FOXJ3: variants seen among roughly 807,000 people sequenced by gnomAD.
FOXJ3 encodes forkhead box protein J3.
In FOXJ3, 22 loss-of-function variants were observed where a neutral mutation model predicts 76.1. The observed-to-expected ratio is 0.29, with a 90% CI of 0.21 to 0.41. FOXJ3 has a LOEUF of 0.41. Ranked by LOEUF, FOXJ3 falls within the 10% of genes least tolerant of loss-of-function variation. The probability of loss-of-function intolerance (pLI) is 1.00; values close to 1 mark genes in which losing one functional copy is unlikely to be tolerated. For synonymous variants in FOXJ3, 269 were observed against 261.2 expected (o/e 1.03, Z -0.29); for missense variants, 613 against 762.1 (o/e 0.80, Z 2.30).
intron 5 of FOXJ3, among the ~76,000 whole-genome samples, chr1:42,209,236 A>T (rs1003775036): frequency 1.3e-5 from 2 of 152,258 alleles, no homozygotes. Flanking sequence ...TATAAAAATC[A>T]GTAGCATTTC....
At chr1:42,317,817 T>C (rs1377169143) in intron 1 of FOXJ3, among the ~76,000 whole-genome samples, 1 of 152,138 alleles carries the variant, frequency 6.6e-6, no homozygotes, top group Admixed American at 6.6e-5. Flanking sequence ...GATTAAGAAT[T>C]CAGGAAAGGT....
intron 3 of FOXJ3, among the ~76,000 whole-genome samples, chr1:42,274,773 A>G (rs1652132176): frequency 6.6e-6 from 1 of 152,150 alleles, no homozygotes; most frequent in Admixed American, 6.6e-5. Context: ...CTAAGTTTAT[A>G]ATACTGTTAT....
rs895044286 is a variant in FOXJ3 at position 42,310,433 on chromosome 1, C to G, written c.44+617G>C. 9.8e-4 allele frequency among the ~76,000 whole-genome samples: 148 copies of G among 151,010 alleles called. 1 individual carries two copies. Among genetic ancestry groups the G allele is most frequent in the African/African-American group, 3.5e-3 (146 of 41,188 alleles). The stretch of plus-strand genomic sequence containing the variant: ...TGCTAGGATTACAGGCATGAGCCAC[C>G]GCACCTGGGCTTTTTTCTTTTTTTT... On this transcript the variant is annotated intron_variant, in intron 2 of 12. Coordinates refer to ENST00000361346, the MANE Select transcript of FOXJ3 (RefSeq NM_014947.5).
intron 9 of FOXJ3, among the ~76,000 whole-genome samples, chr1:42,190,943 C>G (rs1256577599): frequency 6.6e-6 from 1 of 152,152 alleles, no homozygotes; most frequent in South Asian, 2.1e-4. Flanking sequence ...CTACCACTTA[C>G]CACAGTATGA....
intron 3 of FOXJ3, among the ~76,000 whole-genome samples, chr1:42,277,976 CAAAAAAAA>C (rs755384247): frequency 1.2e-4 from 6 of 51,588 alleles, no homozygotes; most frequent in East Asian, 6.4e-4. Flanking sequence ...GACTCCATCT[CAAAAAAAA>C]AAAAAAAAAA....
intron 5 of FOXJ3, among the ~76,000 whole-genome samples, chr1:42,216,487 C>A (rs1237969451): frequency 1.3e-5 from 2 of 150,212 alleles, no homozygotes; most frequent in African/African-American, 4.9e-5. Context: ...CACTGCACTC[C>A]AGCCTGGGCG....
chr1:42,248,534 CAAA>C (rs4019586), intron 4 of FOXJ3, among the ~76,000 whole-genome samples: 1 of 136,016 alleles, frequency 7.4e-6, no homozygotes, highest in African/African-American at 2.9e-5. Flanking sequence ...ACTGCGTCTC[CAAA>C]AAAAAAAAAA....
In FOXJ3 at chr1:42,199,124, C is replaced by G; in HGVS notation, c.737G>C (p.Gly246Ala). Residue 246 changes from glycine (G) to alanine (A), a missense_variant, in exon 7 of 13, where the codon GGA becomes GCA. Physicochemically the swap from Gly to Ala is moderately conservative, Grantham distance 60. Transcript: ENST00000361346. ...SLASVNLNSV[G>A]SVHSYTPVTS... is the part of the protein sequence containing the mutation. ...TACCGGTGTATAACTATGCACACTT[C>G]CAACACTGTTCAAATTAACAGATGC... is the stretch of plus-strand genomic sequence containing the variant. The G allele has an allele frequency of 6.2e-7, 1 of 1,613,722 alleles. No homozygotes were observed.
intron 1 of FOXJ3, among the ~76,000 whole-genome samples, chr1:42,315,913 G>C (rs1203935766): frequency 6.6e-6 from 1 of 152,158 alleles, no homozygotes. Context: ...GACACAACCA[G>C]AATGAGTACT....
intron 4 of FOXJ3, among the ~76,000 whole-genome samples, chr1:42,248,747 T>C (rs972536937): frequency 1.3e-5 from 2 of 148,304 alleles, no homozygotes; most frequent in African/African-American, 4.9e-5. Flanking sequence ...TTTTTTTTTT[T>C]TTTTTTTTTA....
chr1:42,209,733 A>G (rs898789157), intron 5 of FOXJ3, among the ~76,000 whole-genome samples: 2 of 152,262 alleles, frequency 1.3e-5, no homozygotes, highest in African/African-American at 2.4e-5. Flanking sequence ...CCCAGACTCC[A>G]GCAGGCCCGG....
chr1:42,229,808 T>G (rs1402134503), intron 4 of FOXJ3, among the ~76,000 whole-genome samples: 1 of 152,174 alleles, frequency 6.6e-6, no homozygotes, highest in Non-Finnish European at 1.5e-5. Context: ...ACTGAGTTCT[T>G]ATAAAAATTA....
At chr1:42,188,543 C>T (rs570175503) in intron 11 of FOXJ3, among the ~76,000 whole-genome samples, 194 bp downstream of exon 11, 2 of 152,210 alleles carry the variant, frequency 1.3e-5, no homozygotes, top group African/African-American at 2.4e-5. Context: ...AACAGAAAAA[C>T]ATAGTCTCAT....
At chr1:42,277,964 G>A (rs1410930007) in intron 3 of FOXJ3, among the ~76,000 whole-genome samples, 10 of 137,958 alleles carry the variant, frequency 7.2e-5, no homozygotes, top group East Asian at 4.2e-4. Context: ...GCGTCAGAGC[G>A]AGACTCCATC....
At chr1:42,283,064 A>T (rs566406292) in intron 2 of FOXJ3, among the ~76,000 whole-genome samples, 1 of 152,324 alleles carries the variant, frequency 6.6e-6, no homozygotes, top group Admixed American at 6.5e-5. Context: ...GTCTTTCGTA[A>T]GACAGAAAAA....
At chr1:42,324,162 T>C (rs1363076312) in intron 1 of FOXJ3, among the ~76,000 whole-genome samples, 1 of 136,720 alleles carries the variant, frequency 7.3e-6, no homozygotes, top group East Asian at 2.2e-4. Flanking sequence ...ATACACTGTG[T>C]ATATATAGTA....
chr1:42,284,685 C>T (rs892684707), intron 2 of FOXJ3, among the ~76,000 whole-genome samples: 1 of 152,294 alleles, frequency 6.6e-6, no homozygotes, highest in South Asian at 2.1e-4. Context: ...GTTGTCTTTC[C>T]ACCCAGACTA....
At chr1:42,254,921 AACC>A (rs2124588290) in intron 4 of FOXJ3, among the ~76,000 whole-genome samples, 1 of 151,968 alleles carries the variant, frequency 6.6e-6, no homozygotes, top group East Asian at 1.9e-4. Flanking sequence ...ATATGTAACT[AACC>A]TGCACATTGT....
intron 4 of FOXJ3, among the ~76,000 whole-genome samples, chr1:42,249,046 T>G (rs1649800963): frequency 6.6e-6 from 1 of 152,122 alleles, no homozygotes; most frequent in Admixed American, 6.6e-5. Context: ...GATGGTGGCT[T>G]CCGGCTTCAT....
Sources: gnomAD v4.1 joint callset for allele counts (sites outside exome capture counted in the v4.1 genomes callset) on GRCh38, gnomAD v4.1.1 for gene constraint, MANE v1.5 for transcripts, NCBI Gene and HGNC (gene_info 2026-07-23, HGNC 2026-07-21) for gene names.